Variants in TXLNB observed in about 807,000 individuals in gnomAD.
TXLNB encodes beta-taxilin.
TXLNB carries 37 observed loss-of-function variants against 57.4 expected under a neutral mutation model. The observed-to-expected ratio is 0.64, with a 90% confidence interval of 0.50 to 0.85. The LOEUF is 0.85. TXLNB is among the 40% of genes least tolerant of loss of function. The probability of loss-of-function intolerance (pLI) is 0.00; values close to 1 mark genes in which losing one functional copy is unlikely to be tolerated. For synonymous variants in TXLNB, 302 were observed against 309.6 expected, an observed-to-expected ratio of 0.98 and a Z score of 0.26; for missense variants, 848 against 825.6, an observed-to-expected ratio of 1.03 and a Z score of -0.33.
chr6:139,201,034 T>C, the TXLNB span, among the ~76,000 whole-genome samples: 7,641 of 152,270 alleles, frequency 0.05, 210 homozygotes, highest in African/African-American at 0.063. Flanking sequence ...AATCTCTTCT[T>C]GATTCTCTTT....
At chr6:139,312,008 C>T in the TXLNB span, among the ~76,000 whole-genome samples, 7 of 152,288 alleles carry the variant, frequency 4.6e-5, no homozygotes, top group Admixed American at 1.3e-4. Context: ...CCAAAGGCCC[C>T]ACCTCCTAAT....
At chr6:139,235,127 G>T (rs1775821673), downstream of TXLNB, among the ~76,000 whole-genome samples, 1 of 152,144 alleles carries the variant, frequency 6.6e-6, no homozygotes, top group Non-Finnish European at 1.5e-5. Context: ...TCCGGCCTGT[G>T]CCCACAGACC....
intron 7 of TXLNB, among the ~76,000 whole-genome samples, chr6:139,253,632 G>C (rs146490330): frequency 6.6e-6 from 1 of 152,256 alleles, no homozygotes; most frequent in African/African-American, 2.4e-5. Context: ...AGCAAATCTA[G>C]AACCCCTGGT....
chr6:139,275,707 CA>C (rs1187477837), intron 3 of TXLNB, among the ~76,000 whole-genome samples: 1 of 152,126 alleles, frequency 6.6e-6, no homozygotes, highest in African/African-American at 2.4e-5. Flanking sequence ...ACAAAGAAAA[CA>C]AGTCACTTAC....
chr6:139,166,609 C>A, the TXLNB span: 2 of 1,614,028 alleles, frequency 1.2e-6, no homozygotes, highest in East Asian at 4.5e-5. Context: ...GGATGCAGGA[C>A]GAGAAAAAGA....
In TXLNB at chr6:139,247,912, G is replaced by C; in HGVS notation, c.1078-3C>G. The C allele has an allele frequency of 6.4e-7, 1 of 1,571,698 alleles. No individual in the cohort carries two copies. The highest frequency in any genetic ancestry group is 8.7e-7 in the Non-Finnish European group (1 of 1,151,444). On this transcript the variant is annotated splice_region_variant and splice_polypyrimidine_tract_variant and intron_variant, in intron 7 of 9. Coordinates refer to ENST00000358430, the MANE Select transcript of TXLNB (RefSeq NM_153235.4). ...AACCTTCCTGAGTAGAGAGTGAGCTGTAAACAGAGGAAAGAGTGGATCTTT... is the reference window on the plus strand; with the variant it reads ...AACCTTCCTGAGTAGAGAGTGAGCTCTAAACAGAGGAAAGAGTGGATCTTT...
At chr6:139,222,148 CA>C in the TXLNB span, among the ~76,000 whole-genome samples, 1 of 151,778 alleles carries the variant, frequency 6.6e-6, no homozygotes, top group Non-Finnish European at 1.5e-5. Flanking sequence ...AATTAGAAGA[CA>C]AAAATTGTCA....
chr6:139,277,887 TC>T (rs1325324146), intron 2 of TXLNB, among the ~76,000 whole-genome samples: 1 of 152,070 alleles, frequency 6.6e-6, no homozygotes, highest in Non-Finnish European at 1.5e-5. Context: ...TGACAACCTT[TC>T]CCCCAAGAAC....
the TXLNB span, among the ~76,000 whole-genome samples, chr6:139,187,219 C>G: frequency 0.12 from 18,170 of 152,120 alleles, 1,580 homozygotes; most frequent in African/African-American, 0.22. Flanking sequence ...ATATTTAAAT[C>G]AGTAATACAC....
chr6:139,314,449 T>C, the TXLNB span, among the ~76,000 whole-genome samples: 1 of 152,226 alleles, frequency 6.6e-6, no homozygotes, highest in African/African-American at 2.4e-5. Context: ...GTATGACCTA[T>C]AAGCTCCTGC....
At position 139,241,717 on chromosome 6, in the gene TXLNB, C is replaced by T. The variant is rs1775938475; in HGVS notation, c.*809G>A. On this transcript the variant is annotated 3_prime_UTR_variant, in exon 10 of 10. Transcript: ENST00000358430. ...CATCTTTGTGTCCATGCTGTCTGCACAGATTGTAGTCTAACTGCTTTTCTG... is the reference window on the plus strand; with the variant it reads ...CATCTTTGTGTCCATGCTGTCTGCATAGATTGTAGTCTAACTGCTTTTCTG... 6.6e-6 allele frequency: 1 copy of T among 152,250 alleles called. No homozygotes were observed. The highest frequency in any genetic ancestry group is 1.5e-5 in the Non-Finnish European group (1 of 68,048). The allele number at this position is 152,250 out of a possible 1,614,324, so 9.4% of individuals were successfully genotyped here.
the TXLNB span, among the ~76,000 whole-genome samples, chr6:139,221,056 A>T: frequency 1.3e-5 from 2 of 152,198 alleles, no homozygotes; most frequent in East Asian, 3.9e-4. Flanking sequence ...GGCACTGGAG[A>T]GCTAGCTAGG....
At chr6:139,160,741 A>G in the TXLNB span, among the ~76,000 whole-genome samples, 1 of 152,232 alleles carries the variant, frequency 6.6e-6, no homozygotes, top group Non-Finnish European at 1.5e-5. Flanking sequence ...AAACACCTGT[A>G]TGGCATGTTC....
At chr6:139,306,535 T>C in the TXLNB span, among the ~76,000 whole-genome samples, 113 of 152,360 alleles carry the variant, frequency 7.4e-4, no homozygotes, top group African/African-American at 2.6e-3. Flanking sequence ...GCATTTGTTA[T>C]CAGGAGTCAC....
At chr6:139,263,007 T>C (rs1449387918) in intron 4 of TXLNB, among the ~76,000 whole-genome samples, 1 of 152,186 alleles carries the variant, frequency 6.6e-6, no homozygotes, top group African/African-American at 2.4e-5. Flanking sequence ...CAGTGATGAA[T>C]AGACTTGTTT....
At chr6:139,287,026 C>T (rs1777194219) in intron 2 of TXLNB, 1 of 153,068 alleles carries the variant, frequency 6.5e-6, no homozygotes, top group South Asian at 2.1e-4. Flanking sequence ...GAAAAACTGT[C>T]TTCCCTGGTG....
the TXLNB span, among the ~76,000 whole-genome samples, chr6:139,308,728 T>C: frequency 6.6e-6 from 1 of 152,226 alleles, no homozygotes; most frequent in East Asian, 1.9e-4. Flanking sequence ...ACTATTGAGA[T>C]GCTGGGTCAT....
chr6:139,184,265 G>T, the TXLNB span, among the ~76,000 whole-genome samples: 7 of 152,204 alleles, frequency 4.6e-5, no homozygotes, highest in Admixed American at 3.9e-4. Context: ...TGTATCAGTG[G>T]ATGGGCACCT....
At chr6:139,313,437 A>AG in the TXLNB span, among the ~76,000 whole-genome samples, 1 of 152,070 alleles carries the variant, frequency 6.6e-6, no homozygotes, top group African/African-American at 2.4e-5. Flanking sequence ...GATGGCAGGA[A>AG]GAAAAAAAAA....
Sources: allele counts gnomAD v4.1 joint callset (sites outside exome capture counted in the v4.1 genomes callset), GRCh38; gene constraint gnomAD v4.1.1; transcripts MANE v1.5; gene names NCBI Gene and HGNC (gene_info 2026-07-23, HGNC 2026-07-21).